Variants in LMO3 observed in about 807,000 individuals in gnomAD.
The protein encoded by LMO3 is LIM domain only protein 3.
LMO3 carries 2 observed loss-of-function variants against 15.8 expected under a neutral mutation model. The ratio of observed to expected loss-of-function variants is 0.13; its 90% CI spans 0.05 to 0.40. LMO3 has a LOEUF of 0.40. Among genes scored for constraint, LMO3 ranks in the 10% least tolerant of loss-of-function variants. The pLI, the probability that LMO3 is intolerant of heterozygous loss-of-function variation, is 0.99. For synonymous variants in LMO3, 62 were observed against 63.8 expected (o/e 0.97, Z 0.13); for missense variants, 86 against 182.2 (o/e 0.47, Z 3.04).
rs1471537814 is a variant in LMO3 at position 16,597,690 on chromosome 12, A to T, written c.206+2965T>A. 1 of 151,960 alleles carries T rather than the reference A, an allele frequency of 6.6e-6. No homozygotes were observed. The highest frequency in any genetic ancestry group is 6.6e-5 in the Admixed American group (1 of 15,250). 9.4% of individuals were successfully genotyped at this position (151,960 alleles called of 1,614,324 possible). ...TATGTTCTTAATAATTTAGACATGAAATATAAATATGTAAGTTATTTATGT... is the reference window on the plus strand; with the variant it reads ...TATGTTCTTAATAATTTAGACATGATATATAAATATGTAAGTTATTTATGT... On this transcript the variant is annotated intron_variant, in intron 2 of 3. Transcript: ENST00000537304. The surrounding 1 kb of genome is among the most constrained non-coding windows in gnomAD (Gnocchi z 5.0).
rs1247631915 is a variant in LMO3 at position 16,555,531 on chromosome 12, T to G, written c.333-4204A>C. 6.6e-6 allele frequency among the ~76,000 whole-genome samples: 1 copy of G among 152,216 alleles called. No individual in the cohort carries two copies. The highest frequency in any genetic ancestry group is 1.5e-5 in the Non-Finnish European group (1 of 68,040). On this transcript the variant is annotated intron_variant, in intron 3 of 3. Coordinates refer to ENST00000537304, the MANE Select transcript of LMO3 (RefSeq NM_018640.5). The surrounding 1 kb of genome is among the most constrained non-coding windows in gnomAD (Gnocchi z 5.5). ...TCAATAAAAATTGGTTAAGGTAGAT[T>G]TATTCCAGAAACCAACAGCTTTAAA...
intron 2 of LMO3, among the ~76,000 whole-genome samples, chr12:16,578,860 A>C (rs185146539): frequency 1.4e-5 from 2 of 147,842 alleles, no homozygotes; most frequent in African/African-American, 2.5e-5. Context: ...ACAACAACAA[A>C]ACATTAATTC....
At chr12:16,583,655 A>G (rs543761926) in intron 2 of LMO3, among the ~76,000 whole-genome samples, 1 of 152,374 alleles carries the variant, frequency 6.6e-6, no homozygotes, top group East Asian at 1.9e-4. Context: ...ACATCAGGGA[A>G]TATCAATCTG....
intron 3 of LMO3, 77 bp from the exon 4 acceptor site, chr12:16,551,404 A>G: frequency 1.1e-6 from 1 of 889,966 alleles, no homozygotes; most frequent in African/African-American, 1.7e-5. Context: ...TTATTTTCCT[A>G]TTAATAGTTT....
At chr12:16,556,981 A>T (rs1773468383) in intron 3 of LMO3, among the ~76,000 whole-genome samples, 2 of 152,172 alleles carry the variant, frequency 1.3e-5, no homozygotes, top group African/African-American at 4.8e-5. Flanking sequence ...TCGCAGCAAT[A>T]AGAATGTGAA....
In LMO3 at chr12:16,549,295, G is replaced by T. The variant is rs1371518378; in HGVS notation, c.*1927C>A. On this transcript the variant is annotated 3_prime_UTR_variant, in exon 4 of 4. Coordinates refer to ENST00000537304, the MANE Select transcript of LMO3 (RefSeq NM_018640.5). ...TAGTTATTTTTGTGGGCCCCAAATA[G>T]CTACTTTTGAATTTCTTTCTTTAGT... 1 of 152,058 alleles carries T rather than the reference G, an allele frequency of 6.6e-6. No individual in the cohort carries two copies. The highest frequency in any genetic ancestry group is 1.5e-5 in the Non-Finnish European group (1 of 67,970). The allele number at this position is 152,058 out of a possible 1,614,324, so 9.4% of individuals were successfully genotyped here.
rs184076871 is a variant in LMO3, at chr12:16,589,237, G to A, written c.206+11418C>T. The stretch of plus-strand genomic sequence containing the variant: ...ATATTCACAGAAGATTATAACAACA[G>A]TAGATGAATGCATCCTAATAGGAAT... On this transcript the variant is annotated intron_variant, in intron 2 of 3. Coordinates refer to ENST00000537304, the MANE Select transcript of LMO3 (RefSeq NM_018640.5). This position sits in a 1 kb window ranked among gnomAD's most constrained non-coding sequence, Gnocchi z 4.2. Among the ~76,000 whole-genome samples, 1 of 152,190 alleles carries A rather than the reference G, an allele frequency of 6.6e-6. No homozygotes were observed. Among genetic ancestry groups the A allele is most frequent in the Admixed American group, 6.5e-5 (1 of 15,268 alleles).
chr12:16,571,394 T>C lies in LMO3; in HGVS notation c.207-10856A>G, dbSNP rs16912036. On this transcript the variant is annotated intron_variant, in intron 2 of 3. Coordinates refer to ENST00000537304, the MANE Select transcript of LMO3 (RefSeq NM_018640.5). Reference sequence around the variant, plus strand: ...AAAGCAAATTTAATATCCAACACCATTTATCTCATTAGTATAAATAGTATA... The same window carrying C: ...AAAGCAAATTTAATATCCAACACCACTTATCTCATTAGTATAAATAGTATA... 5.3e-3 allele frequency among the ~76,000 whole-genome samples: 808 copies of C among 152,218 alleles called. 9 individuals are homozygous for C. The highest frequency in any genetic ancestry group is 0.019 in the African/African-American group (784 of 41,566).
Position 16,604,999 on chromosome 12 carries a change from G to T in LMO3, c.-9+1067C>A. The T allele has an allele frequency of 1.3e-6, 2 of 1,592,396 alleles. No individual in the cohort carries two copies. The highest frequency in any genetic ancestry group is 1.7e-6 in the Non-Finnish European group (2 of 1,176,710). ...TTTCGCTTAAGTGTGGACCTGGTGC[G>T]CAGCCTACACCGCCGAGGACCGACT... On this transcript the variant is annotated intron_variant, in intron 1 of 3. Coordinates refer to ENST00000537304, the MANE Select transcript of LMO3 (RefSeq NM_018640.5). The surrounding 1 kb of genome is among the most constrained non-coding windows in gnomAD (Gnocchi z 5.3).
chr12:16,581,754 G>T (rs777836689), intron 2 of LMO3, among the ~76,000 whole-genome samples: 5 of 151,702 alleles, frequency 3.3e-5, no homozygotes, highest in Admixed American at 6.6e-5. Flanking sequence ...CCTTTAAAAA[G>T]ATTTCTTCAT....
chr12:16,588,345 TA>T (rs1178457457), intron 2 of LMO3, among the ~76,000 whole-genome samples: 4 of 151,660 alleles, frequency 2.6e-5, no homozygotes, highest in African/African-American at 9.7e-5. Context: ...ATAATGTGAG[TA>T]AAAAAGTTGG....
Position 16,593,408 on chromosome 12 carries a change from C to T in LMO3, c.206+7247G>A, listed in dbSNP as rs1302648399. Among the ~76,000 whole-genome samples the T allele has an allele frequency of 6.6e-6, 1 of 151,726 alleles. No homozygotes were observed. Among genetic ancestry groups the T allele is most frequent in the Non-Finnish European group, 1.5e-5 (1 of 67,760 alleles). ...CCTTCAAATCAGGGATTTGACTATTCCAAGATGATTATTCATCTCAAGTGT... is the reference window on the plus strand; with the variant it reads ...CCTTCAAATCAGGGATTTGACTATTTCAAGATGATTATTCATCTCAAGTGT... On this transcript the variant is annotated intron_variant, in intron 2 of 3. Coordinates refer to ENST00000537304, the MANE Select transcript of LMO3 (RefSeq NM_018640.5). This position sits in a 1 kb window ranked among gnomAD's most constrained non-coding sequence, Gnocchi z 4.2.
chr12:16,595,320 T>C (rs1943614497), intron 2 of LMO3, among the ~76,000 whole-genome samples: 1 of 151,214 alleles, frequency 6.6e-6, no homozygotes, highest in South Asian at 2.1e-4. Flanking sequence ...TTACTGAAAA[T>C]GAATGCATTA....
At chr12:16,594,220 A>G (rs536544088) in intron 2 of LMO3, 4 of 1,532,602 alleles carry the variant, frequency 2.6e-6, no homozygotes, top group Non-Finnish European at 2.6e-6. Context: ...CAATCTCTGT[A>G]TGTGCAGCAT....
upstream of LMO3, chr12:16,607,169 CCCTT>C (rs1944027928): frequency 1.3e-5 from 1 of 79,184 alleles, no homozygotes; most frequent in African/African-American, 6.5e-5. Context: ...TCTCCTTCCT[CCCTT>C]CCTCCCTTCC....
At chr12:16,571,106 G>A (rs1021270405) in intron 2 of LMO3, among the ~76,000 whole-genome samples, 4 of 151,910 alleles carry the variant, frequency 2.6e-5, no homozygotes, top group East Asian at 1.9e-4. Flanking sequence ...ATCTTACCTC[G>A]TTGAAGAAAC....
Position 16,604,642 on chromosome 12 carries a change from G to GT in LMO3, c.-9+1423dup, listed in dbSNP as rs1943929751. 5.2e-6 allele frequency: 3 copies of GT among 573,074 alleles called. No individual in the cohort carries two copies. The highest frequency in any genetic ancestry group is 9.3e-6 in the Non-Finnish European group (3 of 323,794). 35.5% of individuals were successfully genotyped at this position (573,074 alleles called of 1,614,324 possible). ...GTTTATGCTCCAGCCTTTTGTGGTT[G>GT]TGTCTTTGCAGCCACACAGGGATGG... On this transcript the variant is annotated intron_variant, in intron 1 of 3. Transcript: ENST00000537304. This position sits in a 1 kb window ranked among gnomAD's most constrained non-coding sequence, Gnocchi z 5.3.
intron 2 of LMO3, among the ~76,000 whole-genome samples, chr12:16,592,582 A>T (rs1279527657): frequency 6.6e-6 from 1 of 151,864 alleles, no homozygotes; most frequent in East Asian, 1.9e-4. Flanking sequence ...CCTTACTCCT[A>T]CCCACCCAGG....
At position 16,604,701 on chromosome 12, in the gene LMO3, A is replaced by G; in HGVS notation, c.-9+1365T>C. On this transcript the variant is annotated intron_variant, in intron 1 of 3. Coordinates refer to ENST00000537304, the MANE Select transcript of LMO3 (RefSeq NM_018640.5). The surrounding 1 kb of genome is among the most constrained non-coding windows in gnomAD (Gnocchi z 5.3). ...GAATGTAGCAGTATTTGTTGCATCT[A>G]GCAAGATTAATTGGTTTAAGCAGCA... 1.4e-6 allele frequency: 1 copy of G among 727,818 alleles called. No homozygotes were observed. Among genetic ancestry groups the G allele is most frequent in the South Asian group, 1.8e-5 (1 of 55,686 alleles). 45.1% of individuals were successfully genotyped at this position (727,818 alleles called of 1,614,324 possible).
Sources: allele counts gnomAD v4.1 joint callset (sites outside exome capture counted in the v4.1 genomes callset), GRCh38; gene constraint gnomAD v4.1.1; non-coding constraint Gnocchi (gnomAD v3.1); transcripts MANE v1.5; gene names NCBI Gene and HGNC (gene_info 2026-07-23, HGNC 2026-07-21).